NHERF2: variants seen among roughly 807,000 people sequenced by gnomAD.
The protein encoded by NHERF2 is Na(+)/H(+) exchange regulatory cofactor NHE-RF2.
chr16:2,036,712 A>G, the NHERF2 span: 5 of 1,609,682 alleles, frequency 3.1e-6, no homozygotes, highest in Non-Finnish European at 4.2e-6. Context: ...GGGCTGATAC[A>G]TGCTGGTGGC....
the NHERF2 span, chr16:2,036,369 C>T: frequency 1.1e-5 from 17 of 1,610,582 alleles, no homozygotes; most frequent in Admixed American, 6.7e-5. Flanking sequence ...GCTCTGCCAC[C>T]TGCGAAAGGG....
chr16:2,030,919 C>A, the NHERF2 span, among the ~76,000 whole-genome samples: 8 of 151,660 alleles, frequency 5.3e-5, no homozygotes, highest in Non-Finnish European at 1.2e-4. Flanking sequence ...CCAGCCTAGG[C>A]GACAGAGTGA....
the NHERF2 span, among the ~76,000 whole-genome samples, chr16:2,034,915 C>T: frequency 2.6e-5 from 4 of 152,234 alleles, no homozygotes; most frequent in African/African-American, 9.6e-5. Flanking sequence ...TGAAGCCCCA[C>T]GCCTGTGCCA....
the NHERF2 span, among the ~76,000 whole-genome samples, chr16:2,028,369 C>T: frequency 6.6e-6 from 1 of 152,200 alleles, no homozygotes; most frequent in Non-Finnish European, 1.5e-5. Flanking sequence ...GTAGGGCTGC[C>T]AGGGCTGGGG....
chr16:2,029,581 G>T, the NHERF2 span: 1 of 1,568,224 alleles, frequency 6.4e-7, no homozygotes, highest in Non-Finnish European at 8.6e-7. Flanking sequence ...ATTCGCCCCA[G>T]GTGGTGCAAA....
chr16:2,030,611 C>T, the NHERF2 span, among the ~76,000 whole-genome samples: 3 of 150,784 alleles, frequency 2.0e-5, no homozygotes, highest in African/African-American at 7.4e-5. Context: ...TCCATGTTCT[C>T]TCCTACCTTT....
chr16:2,027,257 C>T, the NHERF2 span: 1 of 1,215,748 alleles, frequency 8.2e-7, no homozygotes, highest in Non-Finnish European at 1.0e-6. Context: ...CCGCCCCCTC[C>T]CCGAGCGCGT....
the NHERF2 span, among the ~76,000 whole-genome samples, chr16:2,031,532 C>A: frequency 6.6e-6 from 1 of 152,164 alleles, no homozygotes; most frequent in Non-Finnish European, 1.5e-5. Context: ...TTGGGTGGGA[C>A]CTTCCCCCTC....
chr16:2,036,692 G>A, the NHERF2 span: 1 of 1,606,672 alleles, frequency 6.2e-7, no homozygotes. Context: ...GGCTGTCTGG[G>A]CCCATGGCGG....
At chr16:2,027,249 GC>G in the NHERF2 span, 2 of 1,232,942 alleles carry the variant, frequency 1.6e-6, no homozygotes, top group Non-Finnish European at 2.1e-6. Flanking sequence ...CCGGCCCGCC[GC>G]CCCCTCCCCG....
the NHERF2 span, chr16:2,037,726 C>G: frequency 6.4e-7 from 1 of 1,550,442 alleles, no homozygotes; most frequent in Non-Finnish European, 8.7e-7. Context: ...GCCCCAGCCC[C>G]AGCAGGCAGC....
the NHERF2 span, among the ~76,000 whole-genome samples, chr16:2,028,023 G>C: frequency 6.6e-6 from 1 of 152,222 alleles, no homozygotes; most frequent in South Asian, 2.1e-4. Context: ...CCTTTTCTCT[G>C]TGGGTTCTGA....
At chr16:2,037,795 C>T in the NHERF2 span, 1 of 1,561,822 alleles carries the variant, frequency 6.4e-7, no homozygotes, top group African/African-American at 1.4e-5. Flanking sequence ...AGGGCTCACT[C>T]CAGACACCCC....
the NHERF2 span, among the ~76,000 whole-genome samples, chr16:2,033,905 G>A: frequency 7.9e-5 from 12 of 152,238 alleles, no homozygotes; most frequent in Admixed American, 7.8e-4. Flanking sequence ...GCTGTGCCTG[G>A]CGCCACTGGG....
the NHERF2 span, chr16:2,027,351 C>A: frequency 9.6e-6 from 4 of 418,800 alleles, no homozygotes; most frequent in Non-Finnish European, 1.5e-5. Context: ...GGCAGCGGCC[C>A]GGCGCCTTCG....
At chr16:2,036,082 A>C in the NHERF2 span, 1 of 502,636 alleles carries the variant, frequency 2.0e-6, no homozygotes, top group African/African-American at 2.0e-5. Flanking sequence ...TCTCCCAGCA[A>C]CCCGGGAAGG....
chr16:2,036,465 G>T, the NHERF2 span: 1 of 1,600,926 alleles, frequency 6.2e-7, no homozygotes, highest in Non-Finnish European at 8.5e-7. Flanking sequence ...CTCACCTGCC[G>T]CCCGCTCTGG....
the NHERF2 span, among the ~76,000 whole-genome samples, chr16:2,033,718 G>A: frequency 6.6e-6 from 1 of 152,168 alleles, no homozygotes; most frequent in Non-Finnish European, 1.5e-5. Context: ...GGGAGCCCGA[G>A]GGCCTGGCGG....
At chr16:2,033,622 CTT>C in the NHERF2 span, among the ~76,000 whole-genome samples, 1 of 152,206 alleles carries the variant, frequency 6.6e-6, no homozygotes, top group African/African-American at 2.4e-5. Flanking sequence ...ATGCCAGCCT[CTT>C]TGTCCGGACA....
Sources: allele counts gnomAD v4.1 joint callset (sites outside exome capture counted in the v4.1 genomes callset), GRCh38; gene constraint gnomAD v4.1.1; transcripts MANE v1.5; gene names NCBI Gene and HGNC (gene_info 2026-07-23, HGNC 2026-07-21).